The following INTU variants were observed in gnomAD, a reference collection of about 807,000 sequenced individuals.
INTU encodes protein inturned.
In INTU, 68 loss-of-function variants were observed where a neutral mutation model predicts 100.5. That is an observed-to-expected ratio of 0.68 (90% CI 0.56 to 0.83). The LOEUF is 0.83. Ranked by LOEUF, INTU falls within the 40% of genes least tolerant of loss-of-function variation. INTU has a pLI of 0.00. For missense variants in INTU, 1,071 were observed against 1,114.7 expected (o/e 0.96, Z 0.56); for synonymous variants, 357 against 395.7 (o/e 0.90, Z 1.16).
chr4:127,689,093 T>C (rs1444800211), intron 8 of INTU, among the ~76,000 whole-genome samples: 2 of 147,590 alleles, frequency 1.4e-5, no homozygotes, highest in Non-Finnish European at 3.0e-5. Flanking sequence ...GGTGATCTTC[T>C]CACCTCAGCC....
rs559363969 is a variant in INTU at position 127,702,590 on chromosome 4, A to G, written c.1504-1638A>G. Among the ~76,000 whole-genome samples the G allele has an allele frequency of 1.5e-3, 232 of 152,270 alleles. 5 individuals are homozygous for G. Among genetic ancestry groups the G allele is most frequent in the Middle Eastern group, 6.8e-3 (2 of 294 alleles). Reference sequence around the variant, plus strand: ...TGGTGGCACTTACATAGCTATATGCATTTGTCAAAACTCACAGAACACTTC... The same window carrying G: ...TGGTGGCACTTACATAGCTATATGCGTTTGTCAAAACTCACAGAACACTTC... On this transcript the variant is annotated intron_variant, in intron 9 of 15. Transcript: ENST00000335251.
chr4:127,706,670 G>A lies in INTU; in HGVS notation c.1972G>A (p.Asp658Asn). The part of the protein sequence containing the change: ...SSPVPCLSCA[D>N]WFLTGSREKT... ...TCCAGTCCCCTGTTTGTCTTGTGCT[G>A]ACTGGTTCCTTACTGGATCACGTGA... The change falls in exon 12 of 16, where the codon GAC becomes AAC. Residue 658 changes from aspartate (D) to asparagine (N), a missense_variant. Physicochemically the swap from Asp to Asn is conservative, Grantham distance 23. Transcript: ENST00000335251. 6.2e-7 allele frequency: 1 copy of A among 1,614,074 alleles called. No homozygotes were observed. Among genetic ancestry groups the A allele is most frequent in the South Asian group, 1.1e-5 (1 of 91,080 alleles).
chr4:127,679,120 A>G (rs1272243849), intron 6 of INTU, among the ~76,000 whole-genome samples: 2 of 151,740 alleles, frequency 1.3e-5, no homozygotes, highest in Admixed American at 1.3e-4. Context: ...TGAGTGACCT[A>G]CAAAGAGACT....
At position 127,711,151 on chromosome 4, in the gene INTU, C is replaced by T. The variant is rs111728905; in HGVS notation, c.2559+49C>T. 8,121 of 1,350,838 alleles carry T rather than the reference C, an allele frequency of 6.0e-3. 31 individuals carry two copies. The highest frequency in any genetic ancestry group is 8.4e-3 in the Middle Eastern group (44 of 5,234). 83.7% of individuals were successfully genotyped at this position (1,350,838 alleles called of 1,614,324 possible). On this transcript the variant is annotated intron_variant, in intron 14 of 15. Transcript: ENST00000335251. ...TTTTCTGCCAGTTTAATTTCCAGAT[C>T]TCTAAGCATTCTGTTATCTAATCAA...
rs1480435126 is a variant in INTU at position 127,663,518 on chromosome 4, C to T, written c.906C>T (p.Gly302=). The change falls in exon 4 of 16, where the codon GGC becomes GGT. Residue 302 remains glycine (G), a synonymous_variant. Transcript: ENST00000335251. ...GEEVEGIQQS[G]LNTPHIIMYL... ...AGGTTGAAGGTATCCAGCAGAGTGG[C>T]CTAAACACTCCTCATATCATTATGT... 1.2e-6 allele frequency: 2 copies of T among 1,613,344 alleles called. No individual in the cohort carries two copies. The highest frequency in any genetic ancestry group is 1.3e-5 in the African/African-American group (1 of 74,856).
At position 127,722,039 on chromosome 4, in the gene INTU, C is replaced by A. The variant is rs899537401; in HGVS notation, c.*5603C>A. ...TTGCAATCTTTTGGAGGAGAAGAGG[C>A]ACTCTGGCTTTCTGAGTTTTCCGTA... On this transcript the variant is annotated 3_prime_UTR_variant, in exon 16 of 16. Transcript: ENST00000335251. 2.0e-5 allele frequency: 3 copies of A among 152,252 alleles called. No individual in the cohort carries two copies. Among genetic ancestry groups the A allele is most frequent in the Non-Finnish European group, 4.4e-5 (3 of 68,056 alleles). The allele number at this position is 152,252 out of a possible 1,614,324, so 9.4% of individuals were successfully genotyped here. A position where few individuals can be genotyped will look rare whatever the true frequency, so the allele number is the denominator to read the frequency against.
In INTU at chr4:127,645,036, C is replaced by T. The variant is rs1727511749; in HGVS notation, c.682+980C>T. On this transcript the variant is annotated intron_variant, in intron 2 of 15. Coordinates refer to ENST00000335251, the MANE Select transcript of INTU (RefSeq NM_015693.4). ...TTACAGATAGGCAGGCAGCTCCTCA[C>T]TGTCTGATAAGTGTCATCATAGGGG... 2.6e-5 allele frequency among the ~76,000 whole-genome samples: 4 copies of T among 152,332 alleles called. No homozygotes were observed. In the South Asian group the frequency reaches 8.3e-4, roughly 32 times the overall value.
chr4:127,677,302 G>C (rs1162153258), intron 6 of INTU, among the ~76,000 whole-genome samples: 1 of 152,018 alleles, frequency 6.6e-6, no homozygotes, highest in African/African-American at 2.4e-5. Flanking sequence ...GCCTCCTCAA[G>C]TGGGTCCCTG....
chr4:127,723,685 A>G lies in INTU; in HGVS notation c.*7249A>G, dbSNP rs1731379641. 1 of 151,894 alleles carries G rather than the reference A, an allele frequency of 6.6e-6. No individual in the cohort carries two copies. The highest frequency in any genetic ancestry group is 1.5e-5 in the Non-Finnish European group (1 of 67,990). The allele number at this position is 151,894 out of a possible 1,614,324, so 9.4% of individuals were successfully genotyped here. The stretch of plus-strand genomic sequence containing the variant: ...TGTTTGTTTTTGTTAAAATACATTC[A>G]GCGGCTGGGCTTAGTGGCTCACGCC... On this transcript the variant is annotated 3_prime_UTR_variant, in exon 16 of 16. Coordinates refer to ENST00000335251, the MANE Select transcript of INTU (RefSeq NM_015693.4).
intron 2 of INTU, among the ~76,000 whole-genome samples, chr4:127,655,813 T>TC (rs1371024912): frequency 2.6e-5 from 4 of 152,120 alleles, no homozygotes; most frequent in Non-Finnish European, 5.9e-5. Flanking sequence ...GGGGCGCCCC[T>TC]CCCCCAGCCT....
chr4:127,659,698 G>A (rs921883792), intron 3 of INTU, among the ~76,000 whole-genome samples: 5 of 152,084 alleles, frequency 3.3e-5, no homozygotes, highest in East Asian at 1.9e-4. Context: ...TGCAGATGAC[G>A]AAGACTGATT....
At chr4:127,633,404 T>G (rs762417041) in intron 1 of INTU, among the ~76,000 whole-genome samples, 9 of 152,156 alleles carry the variant, frequency 5.9e-5, no homozygotes, top group Non-Finnish European at 1.3e-4. Flanking sequence ...TTTTGTTTTG[T>G]TTTTTCAATG....
intron 2 of INTU, among the ~76,000 whole-genome samples, chr4:127,651,411 G>A (rs1174791427): frequency 1.3e-5 from 2 of 152,152 alleles, no homozygotes; most frequent in Admixed American, 6.5e-5. Flanking sequence ...TGTAAGGAAG[G>A]GATCCAGTTT....
chr4:127,679,655 A>T (rs1186798489), intron 6 of INTU, among the ~76,000 whole-genome samples: 3 of 152,138 alleles, frequency 2.0e-5, no homozygotes, highest in Admixed American at 2.0e-4. Context: ...AAAGCAGGAA[A>T]GATCCAAAAT....
At chr4:127,646,076 G>T (rs1727572023) in intron 2 of INTU, among the ~76,000 whole-genome samples, 1 of 151,690 alleles carries the variant, frequency 6.6e-6, no homozygotes, top group Admixed American at 6.6e-5. Flanking sequence ...CTCAGCTGCT[G>T]GGGAGGCTGG....
intron 14 of INTU, among the ~76,000 whole-genome samples, chr4:127,712,335 T>C (rs1731123566): frequency 6.6e-6 from 1 of 152,210 alleles, no homozygotes; most frequent in Admixed American, 6.5e-5. Flanking sequence ...CCTATATTCC[T>C]GTATGCTTTG....
rs943543326 is a variant in INTU, at chr4:127,720,917, C to G, written c.*4481C>G. 1 of 152,038 alleles carries G rather than the reference C, an allele frequency of 6.6e-6. No homozygotes were observed. 9.4% of individuals were successfully genotyped at this position (152,038 alleles called of 1,614,324 possible). On this transcript the variant is annotated 3_prime_UTR_variant, in exon 16 of 16. Coordinates refer to ENST00000335251, the MANE Select transcript of INTU (RefSeq NM_015693.4). ...TACAGCACACTGATAGAGTTTGACT[C>G]TATCCAGCTTGCCACTCTGCGTCTT...
intron 9 of INTU, among the ~76,000 whole-genome samples, chr4:127,703,244 A>G (rs1429498764): frequency 6.6e-6 from 1 of 152,170 alleles, no homozygotes; most frequent in African/African-American, 2.4e-5. Context: ...CAATTGAGGA[A>G]TGGCTGGGTT....
intron 4 of INTU, 73 bp downstream of exon 4, chr4:127,663,657 C>A: frequency 1.7e-6 from 2 of 1,161,936 alleles, no homozygotes; most frequent in South Asian, 1.3e-5. Flanking sequence ...GACCTTTTAT[C>A]GTATTCCCAG....
Sources: gnomAD v4.1 joint callset for allele counts (sites outside exome capture counted in the v4.1 genomes callset) on GRCh38, gnomAD v4.1.1 for gene constraint, MANE v1.5 for transcripts, NCBI Gene and HGNC (gene_info 2026-07-23, HGNC 2026-07-21) for gene names.